PACS1: variants seen among roughly 807,000 people sequenced by gnomAD.
The protein encoded by PACS1 is phosphofurin acidic cluster sorting protein 1.
In PACS1, 24 loss-of-function variants were observed where a neutral mutation model predicts 115.0. That is an observed-to-expected ratio of 0.21 (90% CI 0.15 to 0.29). PACS1 has a LOEUF of 0.29. Among genes scored for constraint, PACS1 ranks in the 10% least tolerant of loss-of-function variants. The pLI, the probability that PACS1 is intolerant of heterozygous loss-of-function variation, is 1.00. For missense variants in PACS1, 838 were observed against 1,251.2 expected (o/e 0.67, Z 4.98); for synonymous variants, 453 against 504.5 (o/e 0.90, Z 1.37).
rs750848236 is a variant in PACS1 at position 66,235,294 on chromosome 11, T to C, written c.2105-7T>C. Reference sequence around the variant, plus strand: ...AGGCAGTTAGTGATCTCTTGGCTTTTCTGCAGAGCAACTGGACGTGGCAGG... The same window carrying C: ...AGGCAGTTAGTGATCTCTTGGCTTTCCTGCAGAGCAACTGGACGTGGCAGG... On this transcript the variant is annotated splice_polypyrimidine_tract_variant and splice_region_variant and intron_variant, in intron 17 of 23. Coordinates refer to ENST00000320580, the MANE Select transcript of PACS1 (RefSeq NM_018026.4). This position sits in a 1 kb window ranked among gnomAD's most constrained non-coding sequence, Gnocchi z 5.6. The C allele has an allele frequency of 3.7e-6, 6 of 1,611,886 alleles. No homozygotes were observed. The highest frequency in any genetic ancestry group is 4.2e-6 in the Non-Finnish European group (5 of 1,178,174).
intron 1 of PACS1, among the ~76,000 whole-genome samples, chr11:66,188,190 A>T (rs1230515675): frequency 5.2e-5 from 6 of 115,258 alleles, no homozygotes; most frequent in Admixed American, 9.5e-5. Context: ...CCGTTGAGAT[A>T]TTTCAGTTCT....
chr11:66,239,005 G>T, intron 20 of PACS1, 137 bp from the exon 21 acceptor site: 1 of 1,419,830 alleles, frequency 7.0e-7, no homozygotes, highest in South Asian at 1.2e-5. Flanking sequence ...TGCGGTGGTG[G>T]CTGGGGGAGG....
chr11:66,216,087 AAC>A (rs1565150705), intron 4 of PACS1, 30 bp from the exon 5 acceptor site: 1 of 1,612,216 alleles, frequency 6.2e-7, no homozygotes, highest in South Asian at 1.1e-5. Flanking sequence ...CCTCTGTAGT[AAC>A]ACGCCTCCAC....
At chr11:66,089,337 T>G (rs1259242222) in intron 1 of PACS1, among the ~76,000 whole-genome samples, 1 of 152,262 alleles carries the variant, frequency 6.6e-6, no homozygotes, top group African/African-American at 2.4e-5. Flanking sequence ...TTCATAAATG[T>G]AAGCATGCTT....
intron 1 of PACS1, among the ~76,000 whole-genome samples, chr11:66,173,958 A>C (rs938301638): frequency 1.3e-5 from 2 of 152,156 alleles, no homozygotes; most frequent in Admixed American, 6.5e-5. Flanking sequence ...AAGCTGAGGC[A>C]TGAGAATCAC....
intron 2 of PACS1, among the ~76,000 whole-genome samples, chr11:66,194,774 G>C (rs1854612496): frequency 6.6e-6 from 1 of 152,100 alleles, no homozygotes; most frequent in Admixed American, 6.6e-5. Context: ...TATTTTATTA[G>C]CTAGTTCACC....
chr11:66,134,681 C>T (rs564278964), intron 1 of PACS1, among the ~76,000 whole-genome samples: 2 of 151,926 alleles, frequency 1.3e-5, no homozygotes, highest in South Asian at 4.2e-4. Flanking sequence ...GGTAGGGCTC[C>T]CTGTACCCTG....
intron 1 of PACS1, among the ~76,000 whole-genome samples, chr11:66,188,145 AT>A (rs920486695): frequency 5.9e-5 from 7 of 119,476 alleles, no homozygotes; most frequent in Admixed American, 5.8e-4. Flanking sequence ...TCGTTTGGCG[AT>A]TTTTTTAATC....
At chr11:66,165,011 C>A (rs1859571747) in intron 1 of PACS1, among the ~76,000 whole-genome samples, 1 of 152,152 alleles carries the variant, frequency 6.6e-6, no homozygotes, top group African/African-American at 2.4e-5. Flanking sequence ...TTCTGCTGTA[C>A]AGCATGCCCT....
intron 1 of PACS1, among the ~76,000 whole-genome samples, chr11:66,073,291 T>C (rs559502470): frequency 2.6e-5 from 4 of 152,376 alleles, no homozygotes; most frequent in African/African-American, 9.6e-5. Context: ...TCCTTGTTCA[T>C]GTTGTTTAGA....
At position 66,236,005 on chromosome 11, in the gene PACS1, A is replaced by C; in HGVS notation, c.2250+65A>C. The C allele has an allele frequency of 1.4e-6, 2 of 1,413,494 alleles. No individual in the cohort carries two copies. Among genetic ancestry groups the C allele is most frequent in the Non-Finnish European group, 2.0e-6 (2 of 996,890 alleles). 87.6% of individuals were successfully genotyped at this position (1,413,494 alleles called of 1,614,324 possible). On this transcript the variant is annotated intron_variant, in intron 19 of 23. Coordinates refer to ENST00000320580, the MANE Select transcript of PACS1 (RefSeq NM_018026.4). The surrounding 1 kb of genome is among the most constrained non-coding windows in gnomAD (Gnocchi z 4.2). Reference sequence around the variant, plus strand: ...TCCTGGTCTTCCTGTTCCCCCTTACACAGGAAAACAAAAGATTCATCTAGA... The same window carrying C: ...TCCTGGTCTTCCTGTTCCCCCTTACCCAGGAAAACAAAAGATTCATCTAGA...
At chr11:66,237,344 G>A in intron 19 of PACS1, among the ~76,000 whole-genome samples, 1 of 152,252 alleles carries the variant, frequency 6.6e-6, no homozygotes, top group African/African-American at 2.4e-5. Context: ...TTACAGGCGT[G>A]AGCCACCATG....
intron 1 of PACS1, among the ~76,000 whole-genome samples, chr11:66,159,872 G>A (rs1442266964): frequency 1.3e-5 from 2 of 152,172 alleles, no homozygotes; most frequent in East Asian, 3.8e-4. Flanking sequence ...TTCTGCATTC[G>A]TGACACTGTT....
chr11:66,103,420 G>GT (rs5792381), intron 1 of PACS1, among the ~76,000 whole-genome samples: 26,303 of 151,690 alleles, frequency 0.17, 2,831 homozygotes, highest in Admixed American at 0.3. Flanking sequence ...AACAACTAGA[G>GT]TTACATGTGG....
intron 10 of PACS1, 87 bp downstream of exon 10, chr11:66,221,334 T>A: frequency 8.6e-7 from 1 of 1,168,226 alleles, no homozygotes; most frequent in Middle Eastern, 2.6e-4. Flanking sequence ...TGATCAGGGC[T>A]CATGTTGTGA....
At chr11:66,122,036 T>G (rs1191777754) in intron 1 of PACS1, among the ~76,000 whole-genome samples, 1 of 152,166 alleles carries the variant, frequency 6.6e-6, no homozygotes, top group African/African-American at 2.4e-5. Flanking sequence ...AGAGGAGAAG[T>G]TAGTGTCTGG....
intron 1 of PACS1, among the ~76,000 whole-genome samples, chr11:66,186,860 C>T (rs533550284): frequency 5.3e-5 from 8 of 151,782 alleles, no homozygotes; most frequent in African/African-American, 1.9e-4. Flanking sequence ...AGGCCCGTAA[C>T]GTTGCCGTTG....
At chr11:66,071,982 G>A (rs557170150) in intron 1 of PACS1, among the ~76,000 whole-genome samples, 2 of 152,254 alleles carry the variant, frequency 1.3e-5, no homozygotes, top group South Asian at 2.1e-4. Context: ...CTCTCAGGGT[G>A]CCCCTTCCTG....
chr11:66,212,796 C>G (rs1299288969), intron 4 of PACS1, among the ~76,000 whole-genome samples: 1 of 152,116 alleles, frequency 6.6e-6, no homozygotes, highest in Non-Finnish European at 1.5e-5. Flanking sequence ...TGGATGCTTA[C>G]CAGACAGTGA....
Sources: allele counts gnomAD v4.1 joint callset (sites outside exome capture counted in the v4.1 genomes callset), GRCh38; gene constraint gnomAD v4.1.1; non-coding constraint Gnocchi (gnomAD v3.1); transcripts MANE v1.5; gene names NCBI Gene and HGNC (gene_info 2026-07-23, HGNC 2026-07-21).